The following PTPRD variants were observed in gnomAD, a reference collection of about 807,000 sequenced individuals.
PTPRD encodes the protein protein tyrosine phosphatase receptor type D, also known as receptor-type tyrosine-protein phosphatase delta.
PTPRD carries 34 observed loss-of-function variants against 214.5 expected under a neutral mutation model. The ratio of observed to expected loss-of-function variants is 0.16; its 90% confidence interval spans 0.12 to 0.21. The LOEUF is 0.21. Ranked by LOEUF, PTPRD falls within the 10% of genes least tolerant of loss-of-function variation. The pLI is 1.00. For missense variants in PTPRD, 2,545 were observed against 2,398.7 expected (o/e 1.06, Z -1.27); for synonymous variants, 1,128 against 845.7 (o/e 1.33, Z -5.79).
At chr9:9,081,955 T>A (rs1285998440) in intron 10 of PTPRD, among the ~76,000 whole-genome samples, 1 of 151,794 alleles carries the variant, frequency 6.6e-6, no homozygotes, top group African/African-American at 2.4e-5. Context: ...GTTCTGCAAC[T>A]GAGGCAGTAA....
intron 2 of PTPRD, among the ~76,000 whole-genome samples, chr9:10,446,418 T>C (rs5896395): frequency 1.1e-5 from 1 of 89,708 alleles, no homozygotes; most frequent in South Asian, 3.5e-4. Flanking sequence ...TATTTTTTTC[T>C]TTTTTTTTTT....
chr9:9,748,047 G>A (rs1334595753), intron 6 of PTPRD, among the ~76,000 whole-genome samples: 1 of 152,126 alleles, frequency 6.6e-6, no homozygotes, highest in Non-Finnish European at 1.5e-5. Flanking sequence ...AAAATGGCAT[G>A]AACTGAATGG....
intron 5 of PTPRD, among the ~76,000 whole-genome samples, chr9:9,848,946 T>C (rs569338725): frequency 6.6e-6 from 1 of 152,090 alleles, no homozygotes; most frequent in Admixed American, 6.6e-5. Flanking sequence ...TAATAACATA[T>C]TTATTGAATA....
intron 3 of PTPRD, among the ~76,000 whole-genome samples, chr9:10,267,035 A>C (rs74713115): frequency 6.7e-6 from 1 of 150,158 alleles, no homozygotes; most frequent in Non-Finnish European, 1.5e-5. Context: ...CTAAAAACAC[A>C]AAAAAAATTA....
chr9:10,575,815 T>C (rs1377605971), intron 2 of PTPRD, among the ~76,000 whole-genome samples: 2 of 152,092 alleles, frequency 1.3e-5, no homozygotes, highest in Non-Finnish European at 2.9e-5. Context: ...ACCCTTTCTC[T>C]CCCTAGGGGT....
intron 2 of PTPRD, among the ~76,000 whole-genome samples, chr9:10,501,102 T>G (rs2043555555): frequency 6.6e-6 from 1 of 151,934 alleles, no homozygotes; most frequent in Non-Finnish European, 1.5e-5. Flanking sequence ...TTAGTTTTTT[T>G]GAGGAACTTC....
At chr9:10,384,093 A>T (rs1031819038) in intron 2 of PTPRD, among the ~76,000 whole-genome samples, 21 of 151,186 alleles carry the variant, frequency 1.4e-4, no homozygotes, top group African/African-American at 4.6e-4. Flanking sequence ...AAAAAAATAG[A>T]AAAAGACCTA....
At chr9:9,963,546 C>G (rs915546360) in intron 4 of PTPRD, among the ~76,000 whole-genome samples, 14 of 152,070 alleles carry the variant, frequency 9.2e-5, no homozygotes, top group Non-Finnish European at 2.1e-4. Flanking sequence ...CAAGGAAATA[C>G]AGTGGCAACG....
chr9:8,407,881 T>C (rs1254630282), intron 35 of PTPRD, among the ~76,000 whole-genome samples: 1 of 152,246 alleles, frequency 6.6e-6, no homozygotes, highest in Non-Finnish European at 1.5e-5. Context: ...TTTTGGAGCT[T>C]GTCAGAATGC....
intron 11 of PTPRD, among the ~76,000 whole-genome samples, chr9:8,967,534 G>A (rs935601720): frequency 6.6e-6 from 1 of 152,088 alleles, no homozygotes; most frequent in South Asian, 2.1e-4. Context: ...CATAGATGAA[G>A]CTGGAGGCCA....
At chr9:8,377,105 T>C (rs1357166138) in intron 37 of PTPRD, among the ~76,000 whole-genome samples, 1 of 152,124 alleles carries the variant, frequency 6.6e-6, no homozygotes, top group African/African-American at 2.4e-5. Context: ...TTAAACTACA[T>C]GGTAAGATAG....
intron 4 of PTPRD, among the ~76,000 whole-genome samples, chr9:10,033,014 C>CA (rs1056103995): frequency 6.6e-6 from 1 of 151,606 alleles, no homozygotes; most frequent in African/African-American, 2.4e-5. Context: ...CTGTAGTTTA[C>CA]ATGAATTGGG....
intron 2 of PTPRD, among the ~76,000 whole-genome samples, chr9:10,524,278 A>T (rs2053538956): frequency 1.3e-5 from 2 of 152,046 alleles, no homozygotes; most frequent in Non-Finnish European, 2.9e-5. Flanking sequence ...TACCTGCAAG[A>T]TTTACATTTG....
rs184655362 is a variant in PTPRD, at chr9:8,795,851, C to T, written c.-103-61905G>A. ...GAGGAGAAGATTATTTGTTAATATA[C>T]TCTCATTTTGAAAAATAAGCTCAAA... On this transcript the variant is annotated intron_variant, in intron 11 of 45. Transcript: ENST00000381196. Among the ~76,000 whole-genome samples, 3 of 152,194 alleles carry T rather than the reference C, an allele frequency of 2.0e-5. No individual in the cohort carries two copies. The East Asian group carries it at 5.8e-4, about 29-fold the overall frequency.
chr9:8,572,792 T>TTATTTTCCA (rs577732391), intron 14 of PTPRD, among the ~76,000 whole-genome samples: 70 of 152,136 alleles, frequency 4.6e-4, no homozygotes, highest in African/African-American at 1.6e-3. Flanking sequence ...ATTTTGCATA[T>TTATTTTCCA]TATTTTCCAT....
intron 8 of PTPRD, among the ~76,000 whole-genome samples, chr9:9,475,241 G>A (rs751913157): frequency 3.3e-5 from 5 of 152,022 alleles, no homozygotes; most frequent in Non-Finnish European, 7.4e-5. Context: ...AATTATGTAG[G>A]GTTGACTCTC....
intron 11 of PTPRD, among the ~76,000 whole-genome samples, chr9:8,902,688 CTTTAAAG>C (rs1432772335): frequency 6.6e-6 from 1 of 151,932 alleles, no homozygotes; most frequent in Non-Finnish European, 1.5e-5. Context: ...TTTGTATATA[CTTTAAAG>C]TTTAAGAAAC....
intron 8 of PTPRD, among the ~76,000 whole-genome samples, chr9:9,419,126 T>TACACACACACAC (rs1367814167): frequency 1.4e-5 from 1 of 69,144 alleles, no homozygotes. Context: ...ATAGGCCCCT[T>TACACACACACAC]ATACACACAC....
chr9:10,428,173 G>A (rs2098642080), intron 2 of PTPRD, among the ~76,000 whole-genome samples: 1 of 152,050 alleles, frequency 6.6e-6, no homozygotes, highest in Non-Finnish European at 1.5e-5. Context: ...AAATAAAATA[G>A]CTGGGTGTGG....
Sources: gnomAD v4.1 joint callset for allele counts (sites outside exome capture counted in the v4.1 genomes callset) on GRCh38, gnomAD v4.1.1 for gene constraint, MANE v1.5 for transcripts, NCBI Gene and HGNC (gene_info 2026-07-23, HGNC 2026-07-21) for gene names.